OGG1: variants seen among roughly 807,000 people sequenced by gnomAD.
The protein encoded by OGG1 is 8-oxoguanine DNA glycosylase.
OGG1 carries 35 observed loss-of-function variants against 42.3 expected under a neutral mutation model. That is an observed-to-expected ratio of 0.83 (90% CI 0.63 to 1.10). The LOEUF (loss-of-function observed/expected upper bound fraction) is 1.10, where lower values mean the gene tolerates loss of function less well. Ranked by LOEUF, OGG1 falls within the 50% of genes least tolerant of loss-of-function variation. The pLI is 0.00. For synonymous variants in OGG1, 189 were observed against 179.0 expected (o/e 1.06, Z -0.44); for missense variants, 484 against 446.7 (o/e 1.08, Z -0.75).
At chr3:9,767,941 A>G (rs1402723033), downstream of OGG1, 3 of 768,544 alleles carry the variant, frequency 3.9e-6, no homozygotes, top group Admixed American at 6.2e-5. Context: ...TTCAACATTC[A>G]GCAAATTCTC....
chr3:9,779,579 A>C (rs550967110), intron 2 of OGG1, among the ~76,000 whole-genome samples: 1 of 152,230 alleles, frequency 6.6e-6, no homozygotes, highest in Admixed American at 6.5e-5. Context: ...TGGGTGCAGC[A>C]CACCAACATG....
At chr3:9,784,831 T>C (rs902466436) in intron 3 of OGG1, among the ~76,000 whole-genome samples, 2 of 144,392 alleles carry the variant, frequency 1.4e-5, no homozygotes, top group Admixed American at 1.4e-4. Flanking sequence ...GCCATTGCGC[T>C]CCAACCTAAA....
At chr3:9,756,387 AAGC>A (rs2077560573) in intron 4 of OGG1, 81 bp from the exon 5 acceptor site, 3 of 1,399,406 alleles carry the variant, frequency 2.1e-6, no homozygotes, top group Non-Finnish European at 2.0e-6. Flanking sequence ...GTGAAGGAGA[AAGC>A]AGCCGGCTTT....
At chr3:9,773,592 T>G (rs2078328748) in intron 2 of OGG1, among the ~76,000 whole-genome samples, 1 of 149,028 alleles carries the variant, frequency 6.7e-6, no homozygotes, top group Non-Finnish European at 1.5e-5. Flanking sequence ...TCAAGGAAAG[T>G]CAAATGTTCT....
chr3:9,787,178 G>GC, intron 3 of OGG1: 1 of 1,614,190 alleles, frequency 6.2e-7, no homozygotes. Flanking sequence ...CCTGGGGTTG[G>GC]CAGGGAGGTG....
chr3:9,787,884 C>G (rs2078653298), exon 4 of OGG1: 1 of 408,582 alleles, frequency 2.4e-6, no homozygotes, highest in South Asian at 2.0e-5. Context: ...TGAGTCAAGT[C>G]TGTCAAGGAG....
chr3:9,764,611 G>GTTTTTTTTTTTTTTTTTTTTTT (rs1310854701), intron 7 of OGG1, among the ~76,000 whole-genome samples: 1 of 125,076 alleles, frequency 8.0e-6, no homozygotes, highest in African/African-American at 3.1e-5. Context: ...TGCGCCTGGC[G>GTTTTTTTTTTTTTTTTTTTTTT]TTTTTGTTTT....
intron 3 of OGG1, chr3:9,783,989 A>G: frequency 1.3e-6 from 2 of 1,583,826 alleles, no homozygotes; most frequent in South Asian, 1.1e-5. Context: ...CACAGCCTCC[A>G]AGGCCACCCC....
chr3:9,768,275 A>T (rs536860770), downstream of OGG1, among the ~76,000 whole-genome samples: 3 of 152,098 alleles, frequency 2.0e-5, no homozygotes, highest in Admixed American at 2.0e-4. Context: ...TTCCAGCAAC[A>T]TCTCAGCCAC....
chr3:9,762,920 A>G, intron 7 of OGG1: 3 of 1,614,050 alleles, frequency 1.9e-6, no homozygotes, highest in Non-Finnish European at 2.5e-6. Flanking sequence ...CCACCTTGAG[A>G]TCCCGGTGTA....
chr3:9,755,309 C>T (rs1259317335), intron 4 of OGG1, among the ~76,000 whole-genome samples: 1 of 152,152 alleles, frequency 6.6e-6, no homozygotes, highest in Non-Finnish European at 1.5e-5. Context: ...AGCAGTGTTC[C>T]TGCTTTGCCC....
chr3:9,788,123 A>G lies in OGG1; in HGVS notation c.*392A>G, dbSNP rs77867448. 160 of 203,214 alleles carry G rather than the reference A, an allele frequency of 7.9e-4. 1 individual carries two copies. In the East Asian group the frequency reaches 0.02, roughly 25 times the overall value. The allele number at this position is 203,214 out of a possible 1,614,324, so 12.6% of individuals were successfully genotyped here. A position where few individuals can be genotyped will look rare whatever the true frequency, so the allele number is the denominator to read the frequency against. ...AAAGGCCTGGATGCAGCGCCATGTCATGAGCACATCTGATCATGACAGCTC... is the reference window on the plus strand; with the variant it reads ...AAAGGCCTGGATGCAGCGCCATGTCGTGAGCACATCTGATCATGACAGCTC... On this transcript the variant is annotated 3_prime_UTR_variant, in exon 4 of 4. Transcript: ENST00000426518.
downstream of OGG1, among the ~76,000 whole-genome samples, chr3:9,790,208 C>G (rs1302363702): frequency 6.6e-6 from 1 of 152,242 alleles, no homozygotes. Context: ...TGATTCACTT[C>G]TGTATCACCC....
chr3:9,787,068 G>C (rs2078631054), intron 3 of OGG1: 2 of 1,614,246 alleles, frequency 1.2e-6, no homozygotes, highest in Non-Finnish European at 1.7e-6. Context: ...TCTTCCGGCT[G>C]TTCATGCTGG....
At position 9,779,563 on chromosome 3, in the gene OGG1, A is replaced by C. The variant is rs538864526; in HGVS notation, c.295-1950A>C. On this transcript the variant is annotated intron_variant, in intron 2 of 3. Coordinates refer to the OGG1 transcript ENST00000426518. ...GGAGATATACCTAATGTAAATGACG[A>C]GTTAATGGGTGCAGCACACCAACAT... Among the ~76,000 whole-genome samples, 32 of 152,106 alleles carry C rather than the reference A, an allele frequency of 2.1e-4. No individual in the cohort carries two copies. In the South Asian group the frequency reaches 6.2e-3, roughly 30 times the overall value.
intron 4 of OGG1, among the ~76,000 whole-genome samples, chr3:9,755,438 T>C (rs2077493123): frequency 2.0e-5 from 3 of 151,610 alleles, no homozygotes; most frequent in African/African-American, 7.3e-5. Context: ...TAACTGGCAA[T>C]AAGATGACTG....
At chr3:9,754,953 G>C (rs1368757968) in intron 4 of OGG1, 68 bp downstream of exon 4, 1 of 1,408,364 alleles carries the variant, frequency 7.1e-7, no homozygotes, top group African/African-American at 1.4e-5. Flanking sequence ...AATGAGCCAA[G>C]CCTGGGAGCT....
downstream of OGG1, chr3:9,789,692 C>A (rs1369427216): frequency 6.2e-7 from 1 of 1,609,866 alleles, no homozygotes; most frequent in Non-Finnish European, 8.5e-7. Context: ...AGGCCCCCTT[C>A]TATGTTCTCT....
At chr3:9,773,630 C>T (rs1214240209) in intron 2 of OGG1, among the ~76,000 whole-genome samples, 2 of 143,172 alleles carry the variant, frequency 1.4e-5, no homozygotes, top group African/African-American at 2.5e-5. Context: ...ATCTTTTCTT[C>T]TTTTTTTTTT....
Sources: gnomAD v4.1 joint callset for allele counts (sites outside exome capture counted in the v4.1 genomes callset) on GRCh38, gnomAD v4.1.1 for gene constraint, MANE v1.5 for transcripts, NCBI Gene and HGNC (gene_info 2026-07-23, HGNC 2026-07-21) for gene names.